Variants in RBMS3 observed in about 807,000 individuals in gnomAD.
RBMS3 encodes the protein RNA binding motif single stranded interacting protein 3.
Under a neutral mutation model 66.8 loss-of-function variants are expected in RBMS3, and 27 were observed. The observed-to-expected ratio is 0.40, with a 90% CI of 0.30 to 0.56. The LOEUF (loss-of-function observed/expected upper bound fraction) is 0.56. Ranked by LOEUF, RBMS3 falls within the 20% of genes least tolerant of loss-of-function variation. The pLI is 0.40. For synonymous variants in RBMS3, 188 were observed against 183.0 expected (o/e 1.03, Z -0.22); for missense variants, 513 against 549.5 (o/e 0.93, Z 0.66).
intron 4 of RBMS3, among the ~76,000 whole-genome samples, chr3:29,605,628 T>C (rs1450208134): frequency 6.6e-6 from 1 of 151,948 alleles, no homozygotes; most frequent in Non-Finnish European, 1.5e-5. Flanking sequence ...TGTAATATTA[T>C]TTCATAAGTT....
chr3:29,802,341 C>T lies in RBMS3; in HGVS notation c.637+39352C>T, dbSNP rs111647450. ...TTCTTAGAAGGCTTTCTACTGTTCT[C>T]GTATTATATGAACAGCAAAGTTGAC... On this transcript the variant is annotated intron_variant, in intron 6 of 14. Transcript: ENST00000383767. Among the ~76,000 whole-genome samples the T allele has an allele frequency of 4.1e-3, 620 of 152,236 alleles. 6 individuals are homozygous for T. The highest frequency in any genetic ancestry group is 0.017 in the Middle Eastern group (5 of 294).
At chr3:29,284,882 T>TTTTTTTTTTTA (rs1391658474) in intron 1 of RBMS3, among the ~76,000 whole-genome samples, 2 of 146,790 alleles carry the variant, frequency 1.4e-5, no homozygotes, top group Non-Finnish European at 3.0e-5. Context: ...TTTTTTTTTT[T>TTTTTTTTTTTA]TACCAAAAGA....
At chr3:29,413,633 T>G (rs1341969843) in intron 1 of RBMS3, among the ~76,000 whole-genome samples, 2 of 152,172 alleles carry the variant, frequency 1.3e-5, no homozygotes, top group Non-Finnish European at 2.9e-5. Context: ...TCTAGGTACA[T>G]CCAGGGTTAA....
In RBMS3 at chr3:29,974,339, T is replaced by C. The variant is rs186796452; in HGVS notation, c.1099-13804T>C. Among the ~76,000 whole-genome samples, 16 of 152,110 alleles carry C rather than the reference T, an allele frequency of 1.1e-4. No homozygotes were observed. The East Asian group carries it at 2.9e-3, about 28-fold the overall frequency. On this transcript the variant is annotated intron_variant, in intron 12 of 14. Transcript: ENST00000383767. The stretch of plus-strand genomic sequence containing the variant: ...GGTACCTTACAAATCTCCCAATCTT[T>C]TCACATCTGAATCTATTAATTGTAT...
At chr3:29,843,393 G>C (rs150027843) in intron 6 of RBMS3, among the ~76,000 whole-genome samples, 16 of 152,286 alleles carry the variant, frequency 1.1e-4, no homozygotes, top group Admixed American at 2.0e-4. Flanking sequence ...CAGGATTTCA[G>C]TGATTTCTAT....
In RBMS3 at chr3:29,518,911, A is replaced by T. The variant is rs141709108; in HGVS notation, c.307+30412A>T. 4.1e-3 allele frequency among the ~76,000 whole-genome samples: 617 copies of T among 152,302 alleles called. 10 individuals carry two copies. Among genetic ancestry groups the T allele is most frequent in the African/African-American group, 0.014 (581 of 41,568 alleles). The stretch of plus-strand genomic sequence containing the variant: ...GTGAGCAAAGCTGTTGGGGGCCTGG[A>T]GTGAGAAGAGAAATGGGAAGCAAGT... On this transcript the variant is annotated intron_variant, in intron 3 of 14. Transcript: ENST00000383767.
chr3:29,807,565 T>C (rs2057597141), intron 6 of RBMS3, among the ~76,000 whole-genome samples: 1 of 151,880 alleles, frequency 6.6e-6, no homozygotes, highest in Admixed American at 6.6e-5. Flanking sequence ...AAAACTGGTA[T>C]TATAACTCAA....
At chr3:29,837,404 T>G (rs2058540189) in intron 6 of RBMS3, among the ~76,000 whole-genome samples, 1 of 151,740 alleles carries the variant, frequency 6.6e-6, no homozygotes, top group African/African-American at 2.4e-5. Context: ...GTTATAATTG[T>G]TATACATTTA....
At chr3:29,320,623 G>A (rs988715096) in intron 1 of RBMS3, among the ~76,000 whole-genome samples, 1 of 151,984 alleles carries the variant, frequency 6.6e-6, no homozygotes. Flanking sequence ...GGATTTGCTA[G>A]CAGATTGAAT....
intron 4 of RBMS3, among the ~76,000 whole-genome samples, chr3:29,720,641 C>T (rs1263999540): frequency 2.0e-5 from 3 of 151,434 alleles, no homozygotes; most frequent in Non-Finnish European, 4.4e-5. Context: ...TGGCATTGTT[C>T]TCACTAAAGT....
intron 6 of RBMS3, among the ~76,000 whole-genome samples, chr3:29,857,580 G>T (rs1331119044): frequency 6.8e-6 from 1 of 146,024 alleles, no homozygotes; most frequent in Non-Finnish European, 1.5e-5. Flanking sequence ...AAAAAAAAAG[G>T]TTGTGCCCCT....
At chr3:29,950,960 A>G (rs188208630) in intron 12 of RBMS3, among the ~76,000 whole-genome samples, 31 of 151,934 alleles carry the variant, frequency 2.0e-4, no homozygotes, top group Non-Finnish European at 4.4e-4. Context: ...AGCTTAATCT[A>G]TTTTCCCTTA....
chr3:29,594,644 A>G (rs2047879458), intron 4 of RBMS3, among the ~76,000 whole-genome samples: 1 of 152,196 alleles, frequency 6.6e-6, no homozygotes, highest in African/African-American at 2.4e-5. Context: ...TGTAAAAGAA[A>G]TACTTACTGG....
At chr3:29,573,575 A>G (rs2047012256) in intron 3 of RBMS3, among the ~76,000 whole-genome samples, 1 of 151,710 alleles carries the variant, frequency 6.6e-6, no homozygotes, top group Admixed American at 6.6e-5. Flanking sequence ...ATTTATTTCT[A>G]CTCTGATCCT....
At chr3:29,920,238 G>T (rs1385134391) in intron 10 of RBMS3, among the ~76,000 whole-genome samples, 1 of 152,096 alleles carries the variant, frequency 6.6e-6, no homozygotes, top group African/African-American at 2.4e-5. Context: ...GGTAAGTTTT[G>T]AAATTTGAAA....
At chr3:29,665,932 C>T (rs577207041) in intron 4 of RBMS3, among the ~76,000 whole-genome samples, 1 of 152,298 alleles carries the variant, frequency 6.6e-6, no homozygotes, top group South Asian at 2.1e-4. Flanking sequence ...AATGACTCCT[C>T]ATCTCACTTA....
At chr3:29,844,034 T>C (rs1334020692) in intron 6 of RBMS3, among the ~76,000 whole-genome samples, 1 of 152,178 alleles carries the variant, frequency 6.6e-6, no homozygotes, top group Admixed American at 6.5e-5. Flanking sequence ...AACTGTTGAC[T>C]GAAACATTTT....
intron 3 of RBMS3, among the ~76,000 whole-genome samples, chr3:29,565,429 T>A (rs1356118051): frequency 1.3e-5 from 2 of 152,184 alleles, no homozygotes; most frequent in Non-Finnish European, 2.9e-5. Flanking sequence ...AATTCTGGCA[T>A]TCTCTAAACA....
intron 12 of RBMS3, among the ~76,000 whole-genome samples, chr3:29,956,803 A>G (rs1349906503): frequency 6.6e-6 from 1 of 152,122 alleles, no homozygotes; most frequent in Non-Finnish European, 1.5e-5. Context: ...TGAAACAAAC[A>G]GGACATGTTT....
Sources: gnomAD v4.1 joint callset for allele counts (sites outside exome capture counted in the v4.1 genomes callset) on GRCh38, gnomAD v4.1.1 for gene constraint, MANE v1.5 for transcripts, NCBI Gene and HGNC (gene_info 2026-07-23, HGNC 2026-07-21) for gene names.